Variants in MACF1 observed in about 807,000 individuals in gnomAD.
MACF1 encodes the protein microtubule actin crosslinking factor 1.
Under a neutral mutation model 854.8 loss-of-function variants are expected in MACF1, and 193 were observed. The ratio of observed to expected loss-of-function variants is 0.23; its 90% CI spans 0.20 to 0.25. The LOEUF is 0.25. MACF1 is among the 10% of genes least tolerant of loss of function. The pLI is 1.00. For missense variants in MACF1, 7,722 were observed against 8,929.1 expected (o/e 0.86, Z 5.45); for synonymous variants, 3,185 against 3,226.7 (o/e 0.99, Z 0.44).
intron 44 of MACF1, among the ~76,000 whole-genome samples, chr1:39,354,154 A>G (rs1030019301): frequency 6.6e-6 from 1 of 152,098 alleles, no homozygotes; most frequent in African/African-American, 2.4e-5. Context: ...GCATCTGCTT[A>G]TATTGATTCC....
At chr1:39,198,766 A>C (rs1375089134) in intron 2 of MACF1, among the ~76,000 whole-genome samples, 1 of 152,002 alleles carries the variant, frequency 6.6e-6, no homozygotes, top group Non-Finnish European at 1.5e-5. Context: ...TAGAGGTTGC[A>C]GAGATCGGAG....
intron 58 of MACF1, among the ~76,000 whole-genome samples, chr1:39,393,859 GAGAGAGAA>G (rs1302301908): frequency 8.2e-5 from 12 of 145,846 alleles, no homozygotes; most frequent in Admixed American, 2.7e-4. Context: ...GAGAGAGAGA[GAGAGAGAA>G]AGAAAGAGAG....
chr1:39,480,210 A>T (rs1265114251), intron 98 of MACF1: 2 of 447,060 alleles, frequency 4.5e-6, no homozygotes, highest in African/African-American at 3.8e-5. Context: ...GGCCTTTAAG[A>T]TGACTCCAAA....
At chr1:39,258,349 A>ATC (rs1029127642) in intron 6 of MACF1, among the ~76,000 whole-genome samples, 4 of 152,214 alleles carry the variant, frequency 2.6e-5, no homozygotes, top group African/African-American at 9.6e-5. Context: ...GACTCAGAAT[A>ATC]TGAGGGTTGA....
chr1:39,137,261 G>T (rs1643200893), intron 2 of MACF1, among the ~76,000 whole-genome samples: 1 of 152,184 alleles, frequency 6.6e-6, no homozygotes, highest in Non-Finnish European at 1.5e-5. Flanking sequence ...TTAGAAACAG[G>T]GTTTTGCCAT....
chr1:39,472,093 G>A (rs746720265), intron 97 of MACF1, among the ~76,000 whole-genome samples: 5 of 152,258 alleles, frequency 3.3e-5, no homozygotes, highest in East Asian at 1.9e-4. Context: ...GGTGGCTGCC[G>A]TCATGTCTGG....
At chr1:39,450,710 C>T (rs1644325580) in intron 84 of MACF1, among the ~76,000 whole-genome samples, 1 of 145,916 alleles carries the variant, frequency 6.9e-6, no homozygotes, top group Non-Finnish European at 1.5e-5. Flanking sequence ...CTCCCGGGTT[C>T]GCGCCATTCT....
intron 2 of MACF1, among the ~76,000 whole-genome samples, chr1:39,198,142 G>A (rs115038081): frequency 0.02 from 3,073 of 152,282 alleles, 112 homozygotes; most frequent in African/African-American, 0.071. Flanking sequence ...AGGCTGCAGC[G>A]AGCTATGATT....
At chr1:39,371,319 CAAAAAAAA>C (rs764951315) in intron 51 of MACF1, among the ~76,000 whole-genome samples, 5 of 81,306 alleles carry the variant, frequency 6.1e-5, no homozygotes, top group African/African-American at 2.1e-4. Flanking sequence ...GACTCTGTCT[CAAAAAAAA>C]AAAAAAAAAA....
At chr1:39,297,892 G>A in intron 21 of MACF1, 147 bp downstream of exon 21, 2 of 901,762 alleles carry the variant, frequency 2.2e-6, no homozygotes, top group Admixed American at 3.0e-5. Context: ...TTTAATCGAT[G>A]TTGTTCTGTC....
chr1:39,480,898 C>A, intron 98 of MACF1, 22 bp from the exon 99 acceptor site: 1 of 1,322,450 alleles, frequency 7.6e-7, no homozygotes, highest in South Asian at 1.3e-5. Context: ...CCTGTCCTTC[C>A]CTTTGGATTT....
rs538820437 is a variant in MACF1, at chr1:39,347,164, C to G, written c.10769C>G (p.Ala3590Gly). 1.2e-6 allele frequency: 2 copies of G among 1,614,008 alleles called. No individual in the cohort carries two copies. The highest frequency in any genetic ancestry group is 2.2e-5 in the South Asian group (2 of 91,040). Reference sequence around the variant, plus strand: ...GAACAGACTGCCGCTCAGGTGGATGCCTTGCAGGGCCATCTTCAACAAATG... The same window carrying G: ...GAACAGACTGCCGCTCAGGTGGATGGCTTGCAGGGCCATCTTCAACAAATG... Reference protein sequence around the residue: ...ILEQTAAQVDALQGHLQQMEQ... With the variant: ...ILEQTAAQVDGLQGHLQQMEQ... Residue 3590 changes from alanine (A) to glycine (G), a missense_variant, in exon 41 of 101, where the codon GCC becomes GGC. Ala to Gly is a moderately conservative substitution (Grantham distance 60). Around this residue, in one of 15 missense-constraint regions of MACF1, gnomAD observed 854 missense variants for 852.6 expected, o/e 1.00. Transcript: ENST00000564288.
At chr1:39,479,446 A>AG (rs1644974941) in intron 97 of MACF1, among the ~76,000 whole-genome samples, 1 of 152,224 alleles carries the variant, frequency 6.6e-6, no homozygotes, top group Non-Finnish European at 1.5e-5. Context: ...GAGAGAGAAA[A>AG]GAGGGGTTTT....
chr1:39,176,461 G>A (rs961255120), intron 2 of MACF1, among the ~76,000 whole-genome samples: 9 of 152,210 alleles, frequency 5.9e-5, no homozygotes, highest in African/African-American at 9.6e-5. Context: ...AGTCCTCTTC[G>A]TTTAAATTCT....
chr1:39,450,105 A>G (rs1447780045), intron 84 of MACF1, among the ~76,000 whole-genome samples: 2 of 151,568 alleles, frequency 1.3e-5, no homozygotes, highest in Non-Finnish European at 2.9e-5. Context: ...CTCATGATCC[A>G]CCTGCCTCGG....
intron 15 of MACF1, among the ~76,000 whole-genome samples, chr1:39,289,693 CTTTTTTTTTTTTTTTTTTT>C (rs58188740): frequency 1.0e-4 from 3 of 28,938 alleles, no homozygotes; most frequent in East Asian, 2.8e-3. Flanking sequence ...GTGGGTTGTC[CTTTTTTTTTTTTTTTTTTT>C]TTTTTTTTTT....
chr1:39,414,252 G>A, intron 58 of MACF1: 4 of 1,614,020 alleles, frequency 2.5e-6, no homozygotes, highest in Non-Finnish European at 3.4e-6. Flanking sequence ...TGCCTCCTAT[G>A]GAGGAAGTTT....
At chr1:39,358,974 G>C (rs1647831504) in intron 46 of MACF1, 101 bp downstream of exon 46, 1 of 1,444,678 alleles carries the variant, frequency 6.9e-7, no homozygotes, top group African/African-American at 1.4e-5. Flanking sequence ...TAAAGGCAGT[G>C]GTTGGGATGC....
At chr1:39,268,487 C>T (rs140338821) in intron 6 of MACF1, 2 of 1,130,954 alleles carry the variant, frequency 1.8e-6, no homozygotes, top group African/African-American at 1.6e-5. Context: ...TGTCTTGTTG[C>T]AGCTCTGAGC....
Sources: allele counts gnomAD v4.1 joint callset (sites outside exome capture counted in the v4.1 genomes callset), GRCh38; gene constraint gnomAD v4.1.1; regional missense constraint gnomAD v4.1.1; transcripts MANE v1.5; gene names NCBI Gene and HGNC (gene_info 2026-07-23, HGNC 2026-07-21).